MAP2: variants seen among roughly 807,000 people sequenced by gnomAD.
The protein encoded by MAP2 is microtubule associated protein 2, also known as microtubule-associated protein 2.
MAP2 carries 14 observed loss-of-function variants against 137.6 expected under a neutral mutation model. The observed-to-expected ratio is 0.10, with a 90% CI of 0.07 to 0.16. The LOEUF (loss-of-function observed/expected upper bound fraction) is 0.16. MAP2 is among the 10% of genes least tolerant of loss of function. MAP2 has a pLI of 1.00. For missense variants in MAP2, 2,088 were observed against 2,191.5 expected, an observed-to-expected ratio of 0.95 and a Z score of 0.94; for synonymous variants, 786 against 782.3, an observed-to-expected ratio of 1.00 and a Z score of -0.08.
intron 1 of MAP2, among the ~76,000 whole-genome samples, chr2:209,427,498 T>C (rs1289877991): frequency 6.6e-6 from 1 of 152,200 alleles, no homozygotes; most frequent in African/African-American, 2.4e-5. Flanking sequence ...GACCTTTTCA[T>C]GTAAGGACTG....
Position 209,519,115 on chromosome 2 carries a change from G to C in MAP2, c.-172+11474G>C, listed in dbSNP as rs902681311. On this transcript the variant is annotated intron_variant, in intron 2 of 15. Transcript: ENST00000682079. ...CAACCCAGAAATCCCCTCCACCAAA[G>C]TAATAGAAAAAGAAAACACTTTTAC... Among the ~76,000 whole-genome samples the C allele has an allele frequency of 3.3e-5, 5 of 152,082 alleles. No individual in the cohort carries two copies. The East Asian group carries it at 7.7e-4, about 24-fold the overall frequency.
At chr2:209,702,129 T>A (rs2153737748) in intron 11 of MAP2, among the ~76,000 whole-genome samples, 1 of 152,174 alleles carries the variant, frequency 6.6e-6, no homozygotes, top group South Asian at 2.1e-4. Flanking sequence ...AGAAAATAAG[T>A]CTGACCTTTC....
intron 1 of MAP2, among the ~76,000 whole-genome samples, chr2:209,493,303 A>G (rs1312028007): frequency 1.3e-5 from 2 of 152,234 alleles, no homozygotes; most frequent in East Asian, 1.9e-4. Context: ...AGATTTAAAC[A>G]TAATACCTAA....
intron 4 of MAP2, among the ~76,000 whole-genome samples, chr2:209,643,476 GA>G (rs2094183941): frequency 6.6e-6 from 1 of 152,060 alleles, no homozygotes; most frequent in Non-Finnish European, 1.5e-5. Flanking sequence ...TACAAATTCA[GA>G]GTTATCTACC....
At chr2:209,619,389 T>A (rs1243688778) in intron 3 of MAP2, among the ~76,000 whole-genome samples, 1 of 152,130 alleles carries the variant, frequency 6.6e-6, no homozygotes, top group African/African-American at 2.4e-5. Context: ...TTATACATGA[T>A]AAATATATAT....
Position 209,473,384 on chromosome 2 carries a change from G to T in MAP2, c.-221-34208G>T, listed in dbSNP as rs182805229. Among the ~76,000 whole-genome samples, 926 of 152,184 alleles carry T rather than the reference G, an allele frequency of 6.1e-3. 2 individuals are homozygous for T. Among genetic ancestry groups the T allele is most frequent in the Non-Finnish European group, 0.011 (749 of 68,006 alleles). On this transcript the variant is annotated intron_variant, in intron 1 of 15. Transcript: ENST00000682079. ...TCATTCTTCTTAGTATTTTAATATA[G>T]ATTAATTAAATAATGAAAATCCATT...
At chr2:209,555,670 C>T (rs2070396081) in intron 2 of MAP2, among the ~76,000 whole-genome samples, 1 of 152,142 alleles carries the variant, frequency 6.6e-6, no homozygotes, top group Non-Finnish European at 1.5e-5. Context: ...TTTATCCATT[C>T]AGCATTTGTT....
At chr2:209,557,642 G>A (rs900014632) in intron 2 of MAP2, among the ~76,000 whole-genome samples, 3 of 152,198 alleles carry the variant, frequency 2.0e-5, no homozygotes, top group African/African-American at 7.2e-5. Flanking sequence ...AATGGCCCTG[G>A]ATCCCAGGGG....
At chr2:209,612,275 G>T (rs985031623) in intron 3 of MAP2, among the ~76,000 whole-genome samples, 1 of 152,128 alleles carries the variant, frequency 6.6e-6, no homozygotes, top group South Asian at 2.1e-4. Context: ...TGAAAAGATA[G>T]AAGTTTTCTA....
At position 209,489,194 on chromosome 2, in the gene MAP2, G is replaced by A. The variant is rs1313366057; in HGVS notation, c.-221-18398G>A. ...CAAACTCCAGCAGACCTGCAGAAGA[G>A]GGACCTGACTGTCAGAAGGAAAACT... On this transcript the variant is annotated intron_variant, in intron 1 of 15. Coordinates refer to ENST00000682079, the MANE Select transcript of MAP2 (RefSeq NM_001375505.1). 3.3e-5 allele frequency among the ~76,000 whole-genome samples: 5 copies of A among 152,302 alleles called. No individual in the cohort carries two copies. The East Asian group carries it at 7.7e-4, about 24-fold the overall frequency.
At chr2:209,530,217 T>G (rs1249529222) in intron 2 of MAP2, among the ~76,000 whole-genome samples, 2 of 152,124 alleles carry the variant, frequency 1.3e-5, no homozygotes, top group African/African-American at 2.4e-5. Context: ...GAGATGGGCA[T>G]GACCTCTCCC....
chr2:209,509,499 T>G (rs2061477079), intron 2 of MAP2, among the ~76,000 whole-genome samples: 1 of 152,004 alleles, frequency 6.6e-6, no homozygotes, highest in African/African-American at 2.4e-5. Flanking sequence ...TTGTTTTCCC[T>G]TCTATCTGGA....
chr2:209,644,468 C>T (rs1294758646), intron 4 of MAP2, among the ~76,000 whole-genome samples: 1 of 152,028 alleles, frequency 6.6e-6, no homozygotes, highest in African/African-American at 2.4e-5. Flanking sequence ...AACTATTCCC[C>T]TCTTAACCCA....
chr2:209,692,478 TGAC>T, intron 7 of MAP2, 144 bp from the exon 8 acceptor site: 1 of 781,930 alleles, frequency 1.3e-6, no homozygotes, highest in Non-Finnish European at 1.9e-6. Context: ...CTTTTCATAT[TGAC>T]TTTTACATGG....
Position 209,730,627 on chromosome 2 carries a change from G to A in MAP2, c.*230G>A, listed in dbSNP as rs2075665925. The A allele has an allele frequency of 5.8e-6, 3 of 520,044 alleles. No individual in the cohort carries two copies. Among genetic ancestry groups the A allele is most frequent in the Non-Finnish European group, 1.0e-5 (3 of 289,836 alleles). The allele number at this position is 520,044 out of a possible 1,614,324, so 32.2% of individuals were successfully genotyped here. A position where few individuals can be genotyped will look rare whatever the true frequency, so the allele number is the denominator to read the frequency against. On this transcript the variant is annotated 3_prime_UTR_variant, in exon 16 of 16. Transcript: ENST00000682079. ...CACTGGCTTTACATGGGTTCAATTG[G>A]ACAATTATTTTTGCTCTGCTCTGTT...
At chr2:209,557,426 T>C (rs1029447403) in intron 2 of MAP2, among the ~76,000 whole-genome samples, 17 of 152,326 alleles carry the variant, frequency 1.1e-4, no homozygotes, top group South Asian at 2.1e-4. Flanking sequence ...TGGTTTTTTT[T>C]CCCTGTTTAA....
chr2:209,450,600 G>A (rs370588882), intron 1 of MAP2, among the ~76,000 whole-genome samples: 3 of 152,154 alleles, frequency 2.0e-5, no homozygotes, highest in Non-Finnish European at 4.4e-5. Context: ...TTTTGTTCAA[G>A]TATATTTATA....
intron 2 of MAP2, among the ~76,000 whole-genome samples, chr2:209,553,420 G>A (rs2069709862): frequency 6.6e-6 from 1 of 152,128 alleles, no homozygotes; most frequent in African/African-American, 2.4e-5. Context: ...AGATGCTTGT[G>A]TTTATGAATG....
intron 12 of MAP2, among the ~76,000 whole-genome samples, chr2:209,708,380 T>C (rs1176656805): frequency 6.6e-6 from 1 of 152,168 alleles, no homozygotes; most frequent in Non-Finnish European, 1.5e-5. Flanking sequence ...TGCCCTGTGT[T>C]AGAAGACCAA....
Sources: gnomAD v4.1 joint callset for allele counts (sites outside exome capture counted in the v4.1 genomes callset) on GRCh38, gnomAD v4.1.1 for gene constraint, MANE v1.5 for transcripts, NCBI Gene and HGNC (gene_info 2026-07-23, HGNC 2026-07-21) for gene names.